The following NEURL3 variants were observed in gnomAD, a reference collection of about 807,000 sequenced individuals.
NEURL3 encodes neuralized E3 ubiquitin protein ligase 3.
NEURL3 carries 19 observed loss-of-function variants against 17.6 expected under a neutral mutation model. That is an observed-to-expected ratio of 1.08 (90% CI 0.75 to 1.58). The LOEUF (loss-of-function observed/expected upper bound fraction) is 1.58. Among genes scored for constraint, NEURL3 ranks in the 40% most tolerant of loss-of-function variants. The probability of loss-of-function intolerance (pLI) is 0.00; values close to 1 mark genes in which losing one functional copy is unlikely to be tolerated. For missense variants in NEURL3, 342 were observed against 379.6 expected (o/e 0.90, Z 0.82); for synonymous variants, 180 against 161.4 (o/e 1.11, Z -0.87).
Position 96,499,365 on chromosome 2 carries a change from G to C in NEURL3, c.586+13C>G, listed in dbSNP as rs370874357. 90 of 1,598,930 alleles carry C rather than the reference G, an allele frequency of 5.6e-5. No homozygotes were observed. In the Middle Eastern group the frequency reaches 9.9e-4, roughly 18 times the overall value. ...ATTCCCGGGGAGTCCCTGATTCTTG[G>C]GAAGGCACTCACCTTTGGGCTCAGG... On this transcript the variant is annotated intron_variant, in intron 3 of 3. Coordinates refer to ENST00000451794, the MANE Select transcript of NEURL3 (RefSeq NM_001285485.2).
intron 1 of NEURL3, 130 bp downstream of exon 1, chr2:96,505,129 C>T (rs2065550555): frequency 4.7e-6 from 5 of 1,071,638 alleles, no homozygotes; most frequent in African/African-American, 1.6e-5. Flanking sequence ...CTTGGCAGAA[C>T]TGGGACCCCA....
intron 1 of NEURL3, among the ~76,000 whole-genome samples, chr2:96,501,150 CAAGAGA>C: frequency 6.6e-6 from 1 of 152,264 alleles, no homozygotes; most frequent in Admixed American, 6.5e-5. Flanking sequence ...TATTATTGTT[CAAGAGA>C]AAGAGTAGGG....
At chr2:96,499,485 A>T (rs1365688278) in intron 2 of NEURL3, 36 bp from the exon 3 acceptor site, 1 of 1,583,706 alleles carries the variant, frequency 6.3e-7, no homozygotes, top group Admixed American at 1.7e-5. Context: ...CCAGGACGGC[A>T]AGCCCAGGTG....
chr2:96,500,406 A>G (rs1203195225), intron 2 of NEURL3, 33 bp downstream of exon 2: 3 of 1,593,816 alleles, frequency 1.9e-6, no homozygotes, highest in Non-Finnish European at 1.7e-6. Context: ...CCATCTCCCC[A>G]CCTCCCCTGC....
chr2:96,507,231 C>G (rs2065568318), upstream of NEURL3, among the ~76,000 whole-genome samples: 1 of 152,194 alleles, frequency 6.6e-6, no homozygotes, highest in African/African-American at 2.4e-5. Flanking sequence ...ATCACTTCTC[C>G]ACGATGCCCA....
rs531470859 is a variant in NEURL3 at position 96,505,337 on chromosome 2, G to A, written c.-51C>T. On this transcript the variant is annotated 5_prime_UTR_variant, in exon 1 of 4. Coordinates refer to ENST00000451794, the MANE Select transcript of NEURL3 (RefSeq NM_001285485.2). ...CCCCAGGTCTAGAAGGAACTGCCTG[G>A]AGAAGGCCAGTGGACAGGTTACCAA... The A allele has an allele frequency of 4.4e-6, 7 of 1,588,900 alleles. No homozygotes were observed. In the South Asian group the frequency reaches 6.6e-5, roughly 15 times the overall value.
chr2:96,505,295 G>A lies in NEURL3; in HGVS notation c.-9C>T, dbSNP rs1203002051. On this transcript the variant is annotated 5_prime_UTR_variant, in exon 1 of 4. Transcript: ENST00000451794. ...CAGAGCTGGGCACCCATCAGTCTAA[G>A]GTCCTCGGGCACAGGTCCCCAGGTC... The A allele has an allele frequency of 1.9e-6, 3 of 1,599,130 alleles. No individual in the cohort carries two copies. The highest frequency in any genetic ancestry group is 1.3e-5 in the African/African-American group (1 of 75,030).
At chr2:96,502,119 AC>A (rs1332445913) in intron 1 of NEURL3, among the ~76,000 whole-genome samples, 1 of 152,110 alleles carries the variant, frequency 6.6e-6, no homozygotes, top group African/African-American at 2.4e-5. Context: ...AGCATTAAAG[AC>A]CAGTGCTCAC....
chr2:96,504,877 CAAAA>C (rs1157285400), intron 1 of NEURL3, among the ~76,000 whole-genome samples: 46 of 55,290 alleles, frequency 8.3e-4, no homozygotes, highest in East Asian at 2.3e-3. Flanking sequence ...GACTCCGTCT[CAAAA>C]AAAAAAAAAA....
intron 2 of NEURL3, chr2:96,499,891 G>A (rs1026939155): frequency 3.1e-4 from 57 of 182,320 alleles, no homozygotes; most frequent in Admixed American, 2.2e-3. Flanking sequence ...GGCAGGAGGC[G>A]GGGAGTGGAC....
chr2:96,503,297 G>A (rs934358226), intron 1 of NEURL3, among the ~76,000 whole-genome samples: 3 of 152,264 alleles, frequency 2.0e-5, no homozygotes, highest in African/African-American at 7.2e-5. Flanking sequence ...AAAGCTCCCC[G>A]ATCCCTGCTT....
intron 3 of NEURL3, chr2:96,499,070 A>AC: frequency 8.5e-6 from 7 of 823,434 alleles, no homozygotes; most frequent in Non-Finnish European, 1.2e-5. Context: ...GAGCCACTGC[A>AC]CCCCACCTAT....
chr2:96,500,986 G>A (rs974046289), intron 1 of NEURL3, 62 bp from the exon 2 acceptor site: 2 of 1,438,046 alleles, frequency 1.4e-6, no homozygotes, highest in Admixed American at 2.7e-5. Flanking sequence ...GCTCCCCAGA[G>A]AGCCCCCAGT....
At chr2:96,501,063 G>A in intron 1 of NEURL3, 139 bp from the exon 2 acceptor site, 8 of 1,061,314 alleles carry the variant, frequency 7.5e-6, no homozygotes, top group Non-Finnish European at 1.0e-5. Flanking sequence ...ACCTCTCTCG[G>A]TTCCTGCAGG....
At chr2:96,503,225 C>T (rs985604051) in intron 1 of NEURL3, among the ~76,000 whole-genome samples, 2 of 152,144 alleles carry the variant, frequency 1.3e-5, no homozygotes, top group African/African-American at 2.4e-5. Context: ...CTTGAGGGTG[C>T]ATGAGGCCCT....
At chr2:96,506,625 G>T (rs942075913), upstream of NEURL3, among the ~76,000 whole-genome samples, 9 of 152,280 alleles carry the variant, frequency 5.9e-5, no homozygotes, top group Admixed American at 2.6e-4. Flanking sequence ...ATCAGTGACT[G>T]CTCGGCTAAG....
chr2:96,502,984 C>T (rs1423041994), intron 1 of NEURL3, among the ~76,000 whole-genome samples: 1 of 152,204 alleles, frequency 6.6e-6, no homozygotes, highest in Non-Finnish European at 1.5e-5. Flanking sequence ...GCACCATGGG[C>T]CTAGACGGGA....
Position 96,498,157 on chromosome 2 carries a change from A to G in NEURL3, c.*87T>C. 1 of 1,324,118 alleles carries G rather than the reference A, an allele frequency of 7.6e-7. No homozygotes were observed. The highest frequency in any genetic ancestry group is 1.5e-5 in the South Asian group (1 of 65,712). 82.0% of individuals were successfully genotyped at this position (1,324,118 alleles called of 1,614,324 possible). A position where few individuals can be genotyped will look rare whatever the true frequency, so the allele number is the denominator to read the frequency against. On this transcript the variant is annotated 3_prime_UTR_variant, in exon 4 of 4. Transcript: ENST00000451794. The surrounding 1 kb of genome is among the most constrained non-coding windows in gnomAD (Gnocchi z 4.4). ...CAGCCTTTCTGACTCTTCCCCAGAAAGAAGGTAGGGCTGCGCCTCCTTCCT... is the reference window on the plus strand; with the variant it reads ...CAGCCTTTCTGACTCTTCCCCAGAAGGAAGGTAGGGCTGCGCCTCCTTCCT...
chr2:96,501,292 T>C (rs2065505345), intron 1 of NEURL3, among the ~76,000 whole-genome samples: 1 of 152,120 alleles, frequency 6.6e-6, no homozygotes, highest in East Asian at 1.9e-4. Flanking sequence ...TGGCCTCAAG[T>C]GATCCTCCTG....
Sources: gnomAD v4.1 joint callset for allele counts (sites outside exome capture counted in the v4.1 genomes callset) on GRCh38, gnomAD v4.1.1 for gene constraint, Gnocchi (gnomAD v3.1) non-coding constraint, MANE v1.5 for transcripts, NCBI Gene and HGNC (gene_info 2026-07-23, HGNC 2026-07-21) for gene names.